RBFOX1: variants seen among roughly 807,000 people sequenced by gnomAD.
RBFOX1 encodes RNA binding fox-1 homolog 1.
In RBFOX1, 8 loss-of-function variants were observed where a neutral mutation model predicts 57.7. The ratio of observed to expected loss-of-function variants is 0.14; its 90% CI spans 0.08 to 0.25. The LOEUF (loss-of-function observed/expected upper bound fraction) is 0.25. Ranked by LOEUF, RBFOX1 falls within the 10% of genes least tolerant of loss-of-function variation. RBFOX1 has a pLI of 1.00. For synonymous variants in RBFOX1, 326 were observed against 222.4 expected (o/e 1.47, Z -4.15); for missense variants, 611 against 548.5 (o/e 1.11, Z -1.14).
intron 2 of RBFOX1, among the ~76,000 whole-genome samples, chr16:6,559,561 C>T (rs573066106): frequency 6.6e-6 from 1 of 151,772 alleles, no homozygotes. Flanking sequence ...AGTCACCTGT[C>T]GTGTTGGAAG....
intron 4 of RBFOX1, among the ~76,000 whole-genome samples, chr16:7,274,597 G>T (rs892760023): frequency 4.0e-5 from 6 of 151,768 alleles, no homozygotes; most frequent in African/African-American, 1.5e-4. Context: ...TCTACTTATG[G>T]GCCACGTTTG....
intron 4 of RBFOX1, among the ~76,000 whole-genome samples, chr16:7,105,056 A>G (rs1288895791): frequency 1.3e-5 from 2 of 152,054 alleles, no homozygotes; most frequent in African/African-American, 4.8e-5. Context: ...CTCCACTTAC[A>G]TTCTTCTAGC....
At chr16:7,271,233 A>G (rs760762681) in intron 4 of RBFOX1, among the ~76,000 whole-genome samples, 4 of 152,000 alleles carry the variant, frequency 2.6e-5, no homozygotes, top group Non-Finnish European at 5.9e-5. Context: ...GCCTTTGTCT[A>G]CACGTGTTTC....
intron 3 of RBFOX1, among the ~76,000 whole-genome samples, chr16:6,966,090 C>T (rs544997266): frequency 7.2e-4 from 109 of 152,198 alleles, no homozygotes; most frequent in South Asian, 1.0e-3. Flanking sequence ...TACTCTATCA[C>T]GGGGTTCTCA....
At chr16:6,559,419 A>G (rs2097149878) in intron 2 of RBFOX1, among the ~76,000 whole-genome samples, 1 of 152,054 alleles carries the variant, frequency 6.6e-6, no homozygotes, top group African/African-American at 2.4e-5. Flanking sequence ...TGCTAGTACC[A>G]CTGCTGAGAT....
At chr16:6,400,634 A>C (rs1174895893) in intron 2 of RBFOX1, among the ~76,000 whole-genome samples, 1 of 152,232 alleles carries the variant, frequency 6.6e-6, no homozygotes, top group Non-Finnish European at 1.5e-5. Context: ...CTGTAATCCC[A>C]GCACTGTGGG....
chr16:5,766,569 T>C (rs1371333517), intron 3 of RBFOX1, among the ~76,000 whole-genome samples: 1 of 151,950 alleles, frequency 6.6e-6, no homozygotes, highest in Non-Finnish European at 1.5e-5. Flanking sequence ...CGGGCAACAG[T>C]GCGAGACTCT....
At chr16:5,349,413 C>A (rs1234013854) in intron 1 of RBFOX1, among the ~76,000 whole-genome samples, 1 of 152,144 alleles carries the variant, frequency 6.6e-6, no homozygotes, top group Non-Finnish European at 1.5e-5. Flanking sequence ...GTGGCTCAAG[C>A]CTGTAATCCC....
At chr16:6,568,544 C>G (rs1057025897) in intron 2 of RBFOX1, among the ~76,000 whole-genome samples, 2 of 152,074 alleles carry the variant, frequency 1.3e-5, no homozygotes, top group African/African-American at 4.8e-5. Flanking sequence ...CATTGGAACT[C>G]TTGTACAGTG....
At chr16:5,899,125 A>G (rs2058241949) in intron 4 of RBFOX1, among the ~76,000 whole-genome samples, 1 of 143,098 alleles carries the variant, frequency 7.0e-6, no homozygotes. Flanking sequence ...AGCCCAGGAA[A>G]CAGAGCGAGA....
chr16:6,217,945 G>T (rs1467363090), intron 1 of RBFOX1, among the ~76,000 whole-genome samples: 1 of 152,178 alleles, frequency 6.6e-6, no homozygotes, highest in African/African-American at 2.4e-5. Context: ...AAACCGGGGA[G>T]GTGGAGGTTG....
intron 3 of RBFOX1, among the ~76,000 whole-genome samples, chr16:6,803,224 T>A (rs2085914579): frequency 6.6e-6 from 1 of 152,154 alleles, no homozygotes; most frequent in African/African-American, 2.4e-5. Context: ...TGACCCTCAT[T>A]GCCTATGACA....
chr16:7,667,633 G>C (rs932489801), intron 13 of RBFOX1, among the ~76,000 whole-genome samples: 5 of 152,084 alleles, frequency 3.3e-5, no homozygotes, highest in African/African-American at 1.2e-4. Context: ...GCGGCCCCGG[G>C]ATATATGTTA....
At chr16:7,436,716 G>A (rs1025849216) in intron 4 of RBFOX1, among the ~76,000 whole-genome samples, 1 of 152,174 alleles carries the variant, frequency 6.6e-6, no homozygotes, top group Non-Finnish European at 1.5e-5. Flanking sequence ...TCCCATCTCA[G>A]TGAAATAGCT....
At chr16:7,542,869 G>A (rs1305585703) in intron 5 of RBFOX1, among the ~76,000 whole-genome samples, 4 of 151,232 alleles carry the variant, frequency 2.6e-5, no homozygotes, top group Non-Finnish European at 5.9e-5. Flanking sequence ...AGAGGGAAAG[G>A]GAAGGATCTA....
intron 4 of RBFOX1, among the ~76,000 whole-genome samples, chr16:5,897,800 A>T (rs1163702763): frequency 6.6e-6 from 1 of 151,526 alleles, no homozygotes; most frequent in East Asian, 1.9e-4. Flanking sequence ...ACAGCCAATA[A>T]ATCATACCTT....
intron 4 of RBFOX1, among the ~76,000 whole-genome samples, chr16:7,374,784 C>T (rs921117654): frequency 6.6e-6 from 1 of 152,220 alleles, no homozygotes; most frequent in African/African-American, 2.4e-5. Context: ...GATATCCTGG[C>T]AACCTAGAGT....
chr16:5,611,485 G>A (rs1277490238), intron 3 of RBFOX1: 1 of 152,198 alleles, frequency 6.6e-6, no homozygotes, highest in African/African-American at 2.4e-5. Context: ...TTGCTGCTGT[G>A]TTCCTTGGCT....
At chr16:6,559,742 T>G (rs1300824960) in intron 2 of RBFOX1, among the ~76,000 whole-genome samples, 1 of 152,122 alleles carries the variant, frequency 6.6e-6, no homozygotes, top group Non-Finnish European at 1.5e-5. Flanking sequence ...TCTATATCTC[T>G]TTATATCCAT....
Sources: allele counts gnomAD v4.1 joint callset (sites outside exome capture counted in the v4.1 genomes callset), GRCh38; gene constraint gnomAD v4.1.1; transcripts MANE v1.5; gene names NCBI Gene and HGNC (gene_info 2026-07-23, HGNC 2026-07-21).